GABRB2: variants seen among roughly 807,000 people sequenced by gnomAD.
GABRB2 encodes gamma-aminobutyric acid receptor subunit beta-2.
In GABRB2, 16 loss-of-function variants were observed where a neutral mutation model predicts 54.7. The ratio of observed to expected loss-of-function variants is 0.29; its 90% CI spans 0.20 to 0.44. The LOEUF (loss-of-function observed/expected upper bound fraction) is 0.44. Among genes scored for constraint, GABRB2 ranks in the 20% least tolerant of loss-of-function variants. GABRB2 has a pLI of 1.00. For synonymous variants in GABRB2, 244 were observed against 233.8 expected, an observed-to-expected ratio of 1.04 and a Z score of -0.40; for missense variants, 355 against 644.0, an observed-to-expected ratio of 0.55 and a Z score of 4.86.
At chr5:161,314,187 C>CT (rs891371603) in intron 9 of GABRB2, among the ~76,000 whole-genome samples, 23 of 152,310 alleles carry the variant, frequency 1.5e-4, no homozygotes, top group African/African-American at 5.1e-4. Flanking sequence ...TTACAGTGTG[C>CT]TTTCAAGGTG....
chr5:161,518,506 A>C (rs1413857575), intron 3 of GABRB2, among the ~76,000 whole-genome samples: 1 of 152,198 alleles, frequency 6.6e-6, no homozygotes, highest in Non-Finnish European at 1.5e-5. Flanking sequence ...CATAGTAAAA[A>C]ATCGCATTTG....
rs748703147 is a variant in GABRB2 at position 161,291,855 on chromosome 5, AAT to A, written c.*2224_*2225del. ...TTTGGAGTTGTGCCCCTGAGTTATC[AAT>A]ATGTTCCTTCCTGATGTTTTTTAGT... On this transcript the variant is annotated 3_prime_UTR_variant, in exon 10 of 10. Coordinates refer to ENST00000393959, the MANE Select transcript of GABRB2 (RefSeq NM_001371727.1). 2.0e-5 allele frequency: 3 copies of A among 152,464 alleles called. No individual in the cohort carries two copies. Among genetic ancestry groups the A allele is most frequent in the Non-Finnish European group, 4.4e-5 (3 of 68,020 alleles). 9.4% of individuals were successfully genotyped at this position (152,464 alleles called of 1,614,324 possible).
rs570254640 is a variant in GABRB2, at chr5:161,381,888, A to G, written c.541+29087T>C. ...ATTTCATACATCTGGTGTGCAGATC[A>G]GATAAAATGATATTTATATACACAG... On this transcript the variant is annotated intron_variant, in intron 5 of 9. Coordinates refer to ENST00000393959, the MANE Select transcript of GABRB2 (RefSeq NM_001371727.1). Among the ~76,000 whole-genome samples, 127 of 152,316 alleles carry G rather than the reference A, an allele frequency of 8.3e-4. 1 individual carries two copies. Among genetic ancestry groups the G allele is most frequent in the African/African-American group, 3.0e-3 (124 of 41,578 alleles).
intron 3 of GABRB2, among the ~76,000 whole-genome samples, chr5:161,496,718 T>C (rs1166684936): frequency 6.6e-6 from 1 of 152,156 alleles, no homozygotes; most frequent in Non-Finnish European, 1.5e-5. Flanking sequence ...ATCATAATTT[T>C]AACATCTGCA....
Position 161,429,357 on chromosome 5 carries a change from A to AAAAAAAAAAAAAAAT in GABRB2, c.459-18301_459-18300insATTTTTTTTTTTTTT, listed in dbSNP as rs1402875797. 1.8e-4 allele frequency among the ~76,000 whole-genome samples: 20 copies of AAAAAAAAAAAAAAAT among 108,338 alleles called. 1 individual carries two copies. Among genetic ancestry groups the AAAAAAAAAAAAAAAT allele is most frequent in the African/African-American group, 6.3e-4 (19 of 30,324 alleles). 71.1% of individuals were successfully genotyped at this position (108,338 alleles called of 152,430 possible). A position where few individuals can be genotyped will look rare whatever the true frequency, so the allele number is the denominator to read the frequency against. On this transcript the variant is annotated intron_variant, in intron 4 of 9. Coordinates refer to ENST00000393959, the MANE Select transcript of GABRB2 (RefSeq NM_001371727.1). ...CAAGAATCCGTCTCAAAAAAAAAAA[A>AAAAAAAAAAAAAAAT]AGAAAAAGAAAAAAAAAGAAATCCT...
At chr5:161,356,646 T>C (rs1015812523) in intron 5 of GABRB2, among the ~76,000 whole-genome samples, 2 of 152,078 alleles carry the variant, frequency 1.3e-5, no homozygotes, top group South Asian at 2.1e-4. Context: ...AGAGAGAACA[T>C]AGCTGCCTAT....
In GABRB2 at chr5:161,293,269, G is replaced by A. The variant is rs1757284104; in HGVS notation, c.*812C>T. ...ATGTATAGACCAGATGCTGTGTGGA[G>A]CTGATAAGGGTCATGCTTTCTTGCT... is the stretch of plus-strand genomic sequence containing the variant. On this transcript the variant is annotated 3_prime_UTR_variant, in exon 10 of 10. Transcript: ENST00000393959. The A allele has an allele frequency of 6.6e-6, 1 of 152,224 alleles. No individual in the cohort carries two copies. Among genetic ancestry groups the A allele is most frequent in the African/African-American group, 2.4e-5 (1 of 41,454 alleles). The allele number at this position is 152,224 out of a possible 1,614,324, so 9.4% of individuals were successfully genotyped here. A position where few individuals can be genotyped will look rare whatever the true frequency, so the allele number is the denominator to read the frequency against.
intron 3 of GABRB2, 59 bp from the exon 4 acceptor site, chr5:161,459,903 A>C (rs1441711314): frequency 5.5e-6 from 5 of 906,166 alleles, no homozygotes; most frequent in Non-Finnish European, 8.9e-6. Context: ...CTGGGGGATA[A>C]GCAAACATCT....
rs532129042 is a variant in GABRB2 at position 161,309,837 on chromosome 5, T to G, written c.1192-15409A>C. 2.0e-5 allele frequency among the ~76,000 whole-genome samples: 3 copies of G among 152,248 alleles called. No homozygotes were observed. The South Asian group carries it at 6.2e-4, about 32-fold the overall frequency. On this transcript the variant is annotated intron_variant, in intron 9 of 9. Coordinates refer to ENST00000393959, the MANE Select transcript of GABRB2 (RefSeq NM_001371727.1). ...TAGTAGAGACGGGGTTTCACCGTGTTAGCCAGGATGGTCTCGATCTCCTGA... is the reference window on the plus strand; with the variant it reads ...TAGTAGAGACGGGGTTTCACCGTGTGAGCCAGGATGGTCTCGATCTCCTGA...
intron 3 of GABRB2, among the ~76,000 whole-genome samples, chr5:161,509,599 C>T (rs1269660238): frequency 6.6e-6 from 1 of 151,962 alleles, no homozygotes; most frequent in Non-Finnish European, 1.5e-5. Flanking sequence ...CATTTATTTA[C>T]ACATCTCTGC....
At chr5:161,390,918 A>C (rs1025861468) in intron 5 of GABRB2, among the ~76,000 whole-genome samples, 1 of 152,140 alleles carries the variant, frequency 6.6e-6, no homozygotes, top group Admixed American at 6.6e-5. Flanking sequence ...AACCATGTGC[A>C]TCTTCTTAGG....
At chr5:161,412,298 T>C (rs1334602543) in intron 4 of GABRB2, among the ~76,000 whole-genome samples, 2 of 152,186 alleles carry the variant, frequency 1.3e-5, no homozygotes, top group African/African-American at 2.4e-5. Flanking sequence ...TTCTGTTACA[T>C]TAAGGTTTGT....
chr5:161,340,380 C>T (rs1322430296), intron 5 of GABRB2, among the ~76,000 whole-genome samples: 4 of 151,966 alleles, frequency 2.6e-5, no homozygotes, highest in Middle Eastern at 3.2e-3. Context: ...TATATAAATG[C>T]TTTCTCCAGA....
At chr5:161,381,847 C>T (rs970666545) in intron 5 of GABRB2, among the ~76,000 whole-genome samples, 17 of 152,084 alleles carry the variant, frequency 1.1e-4, no homozygotes, top group Admixed American at 7.2e-4. Flanking sequence ...TCCTCATCTA[C>T]TAAATAATGA....
At chr5:161,458,010 G>A (rs1274652637) in intron 4 of GABRB2, among the ~76,000 whole-genome samples, 2 of 152,120 alleles carry the variant, frequency 1.3e-5, no homozygotes, top group African/African-American at 4.8e-5. Flanking sequence ...ATCCAGCACT[G>A]GGTCTGCTCT....
At chr5:161,539,018 C>T (rs1472145955) in intron 3 of GABRB2, among the ~76,000 whole-genome samples, 1 of 152,168 alleles carries the variant, frequency 6.6e-6, no homozygotes, top group Admixed American at 6.5e-5. Context: ...AACAGCAGCA[C>T]TTTTCTCCAT....
Position 161,310,603 on chromosome 5 carries a change from C to T in GABRB2, c.1191+15765G>A, listed in dbSNP as rs553070673. On this transcript the variant is annotated intron_variant, in intron 9 of 9. Transcript: ENST00000393959. Reference sequence around the variant, plus strand: ...CACAAACTCAAAATTGCAATCATTTCAGTTAAAATTCAACCTAGGACGATG... The same window carrying T: ...CACAAACTCAAAATTGCAATCATTTTAGTTAAAATTCAACCTAGGACGATG... Among the ~76,000 whole-genome samples, 72 of 152,306 alleles carry T rather than the reference C, an allele frequency of 4.7e-4. 1 individual carries two copies. The highest frequency in any genetic ancestry group is 1.7e-3 in the African/African-American group (69 of 41,584).
In GABRB2 at chr5:161,543,571, G is replaced by A. The variant is rs377375640; in HGVS notation, c.237+1656C>T. Among the ~76,000 whole-genome samples the A allele has an allele frequency of 3.9e-5, 6 of 152,200 alleles. No homozygotes were observed. In the East Asian group the frequency reaches 1.2e-3, roughly 29 times the overall value. On this transcript the variant is annotated intron_variant, in intron 3 of 9. Transcript: ENST00000393959. ...TAAAAAAAGCAAAATGCAAAAGAGAGGAGTCTGAATCAATCACGTGTAGGA... is the reference window on the plus strand; with the variant it reads ...TAAAAAAAGCAAAATGCAAAAGAGAAGAGTCTGAATCAATCACGTGTAGGA...
intron 5 of GABRB2, among the ~76,000 whole-genome samples, chr5:161,340,600 T>C (rs1754128317): frequency 6.6e-6 from 1 of 151,956 alleles, no homozygotes; most frequent in Non-Finnish European, 1.5e-5. Flanking sequence ...CACATCTCTT[T>C]GTCTTTTGTT....
Sources: allele counts gnomAD v4.1 joint callset (sites outside exome capture counted in the v4.1 genomes callset), GRCh38; gene constraint gnomAD v4.1.1; transcripts MANE v1.5; gene names NCBI Gene and HGNC (gene_info 2026-07-23, HGNC 2026-07-21).